The following MMD2 variants were observed in gnomAD, a reference collection of about 807,000 sequenced individuals.
The protein encoded by MMD2 is monocyte to macrophage differentiation associated 2.
MMD2 carries 30 observed loss-of-function variants against 33.5 expected under a neutral mutation model. The observed-to-expected ratio is 0.90, with a 90% CI of 0.67 to 1.22. MMD2 has a LOEUF of 1.22. MMD2 is among the 50% of genes most tolerant of loss of function. The pLI, the probability that MMD2 is intolerant of heterozygous loss-of-function variation, is 0.00. For missense variants in MMD2, 364 were observed against 325.4 expected, an observed-to-expected ratio of 1.12 and a Z score of -0.91; for synonymous variants, 129 against 123.0, an observed-to-expected ratio of 1.05 and a Z score of -0.32.
In MMD2 at chr7:4,932,671, G is replaced by A. The variant is rs555333914; in HGVS notation, c.48-7139C>T. 1.5e-4 allele frequency among the ~76,000 whole-genome samples: 22 copies of A among 149,996 alleles called. 1 individual carries two copies. Among genetic ancestry groups the A allele is most frequent in the African/African-American group, 5.2e-4 (21 of 40,650 alleles). Reference sequence around the variant, plus strand: ...GGAGTTTTGCTCTGTCGCCCAGACTGAAGTGCAGTGGCATGATCTCAGCTC... The same window carrying A: ...GGAGTTTTGCTCTGTCGCCCAGACTAAAGTGCAGTGGCATGATCTCAGCTC... On this transcript the variant is annotated intron_variant, in intron 1 of 6. Transcript: ENST00000401401.
intron 1 of MMD2, among the ~76,000 whole-genome samples, chr7:4,938,002 C>CTTTTTTTT (rs1165504272): frequency 3.5e-3 from 160 of 45,656 alleles, no homozygotes; most frequent in Non-Finnish European, 4.0e-3. Context: ...TTCTTTCTTT[C>CTTTTTTTT]TTTTTTTTTT....
At chr7:4,911,506 G>A (rs1304457311) in intron 4 of MMD2, among the ~76,000 whole-genome samples, 1 of 152,168 alleles carries the variant, frequency 6.6e-6, no homozygotes, top group Non-Finnish European at 1.5e-5. Context: ...ACCTCATACT[G>A]GTGGGATTAT....
At chr7:4,949,101 T>TC (rs1166827225) in intron 1 of MMD2, among the ~76,000 whole-genome samples, 1 of 152,090 alleles carries the variant, frequency 6.6e-6, no homozygotes, top group Non-Finnish European at 1.5e-5. Flanking sequence ...CCCCAGCTAC[T>TC]CGGGACGCTG....
At chr7:4,935,242 A>G (rs189028735) in intron 1 of MMD2, among the ~76,000 whole-genome samples, 4 of 152,078 alleles carry the variant, frequency 2.6e-5, no homozygotes, top group East Asian at 1.9e-4. Flanking sequence ...AGTCCCAGCT[A>G]CTTCAGAGGG....
chr7:4,940,794 A>C lies in MMD2; in HGVS notation c.48-15262T>G, dbSNP rs528464079. ...TTGCATCTCGTGCCAGAGGCGCGGG[A>C]CTCTGGCATGATCTGCAGGAGACAG... On this transcript the variant is annotated intron_variant, in intron 1 of 6. Transcript: ENST00000401401. The surrounding 1 kb of genome is among the most constrained non-coding windows in gnomAD (Gnocchi z 5.0). Among the ~76,000 whole-genome samples, 2 of 151,574 alleles carry C rather than the reference A, an allele frequency of 1.3e-5. No individual in the cohort carries two copies. The highest frequency in any genetic ancestry group is 2.9e-5 in the Non-Finnish European group (2 of 67,870).
chr7:4,909,118 A>G (rs1431444683), intron 6 of MMD2, among the ~76,000 whole-genome samples: 1 of 151,972 alleles, frequency 6.6e-6, no homozygotes, highest in Non-Finnish European at 1.5e-5. Flanking sequence ...ATATTTAGAG[A>G]AAAAAAACAT....
chr7:4,931,092 C>T (rs896752894), intron 1 of MMD2, among the ~76,000 whole-genome samples: 5 of 152,186 alleles, frequency 3.3e-5, no homozygotes, highest in African/African-American at 9.6e-5. Context: ...CTCAGGTGAT[C>T]CACTTGTCTC....
intron 1 of MMD2, among the ~76,000 whole-genome samples, chr7:4,954,694 C>T (rs1425778946): frequency 6.6e-6 from 1 of 152,190 alleles, no homozygotes; most frequent in Non-Finnish European, 1.5e-5. Flanking sequence ...GTTGGGATTA[C>T]AGGCATAAGC....
In MMD2 at chr7:4,959,028, C is replaced by A. The variant is rs1583409393; in HGVS notation, c.-11G>T. The stretch of plus-strand genomic sequence containing the variant: ...CCGGGGGGCGAACATCGCGGCGCTT[C>A]CATGGGAATCTGGCCCCGGGCTCAG... On this transcript the variant is annotated 5_prime_UTR_variant, in exon 1 of 7. It introduces an in-frame stop codon into an upstream open reading frame of the 5' UTR. Transcript: ENST00000401401. The A allele has an allele frequency of 7.9e-7, 1 of 1,263,982 alleles. No individual in the cohort carries two copies. The highest frequency in any genetic ancestry group is 1.0e-6 in the Non-Finnish European group (1 of 996,572). 78.3% of individuals were successfully genotyped at this position (1,263,982 alleles called of 1,614,324 possible). A position where few individuals can be genotyped will look rare whatever the true frequency, so the allele number is the denominator to read the frequency against.
chr7:4,908,664 TAAG>T (rs1176953539), intron 6 of MMD2, among the ~76,000 whole-genome samples: 1 of 151,112 alleles, frequency 6.6e-6, no homozygotes, highest in Non-Finnish European at 1.5e-5. Context: ...CTTTGGAGGC[TAAG>T]GAGGGCGGAT....
At chr7:4,894,303 G>C in the MMD2 span, among the ~76,000 whole-genome samples, 1 of 152,194 alleles carries the variant, frequency 6.6e-6, no homozygotes, top group African/African-American at 2.4e-5. The surrounding 1 kb of genome is among the most constrained non-coding windows in gnomAD (Gnocchi z 4.3). Flanking sequence ...ACACGCAGAA[G>C]TCACATGTGA....
At chr7:4,894,480 G>C in the MMD2 span, among the ~76,000 whole-genome samples, 1 of 152,052 alleles carries the variant, frequency 6.6e-6, no homozygotes, top group African/African-American at 2.4e-5. This position sits in a 1 kb window ranked among gnomAD's most constrained non-coding sequence, Gnocchi z 4.3. Flanking sequence ...CAAACCAAGC[G>C]ATCACAGCTC....
chr7:4,908,758 G>T (rs1219547073), intron 6 of MMD2, among the ~76,000 whole-genome samples: 1 of 151,882 alleles, frequency 6.6e-6, no homozygotes, highest in African/African-American at 2.4e-5. Flanking sequence ...TTAGCCGAGA[G>T]TGGTGGCACG....
chr7:4,925,499 C>G lies in MMD2; in HGVS notation c.81G>C (p.Arg27Ser), dbSNP rs770206736. 6.3e-7 allele frequency: 1 copy of G among 1,580,192 alleles called. No homozygotes were observed. The highest frequency in any genetic ancestry group is 2.4e-5 in the East Asian group (1 of 42,112). The part of the protein sequence containing the change: ...FMNHRVPAHK[R>S]YQPTEYEHAA... ...CATGTTCATACTCTGTGGGCTGGTACCTCTTGTGGGCAGGGACTCGGTGGT... is the reference window on the plus strand; with the variant it reads ...CATGTTCATACTCTGTGGGCTGGTAGCTCTTGTGGGCAGGGACTCGGTGGT... Residue 27 changes from arginine to serine, a missense_variant, in exon 2 of 7, where the codon AGG (arginine) becomes AGC (serine). By Grantham distance (110) the Arg-to-Ser change is moderately radical. Coordinates refer to ENST00000401401, the MANE Select transcript of MMD2 (RefSeq NM_198403.4).
At chr7:4,918,483 CTTTTT>C (rs60393757) in intron 3 of MMD2, among the ~76,000 whole-genome samples, 11 of 131,024 alleles carry the variant, frequency 8.4e-5, no homozygotes, top group African/African-American at 8.8e-5. Flanking sequence ...TTCTTTCTTT[CTTTTT>C]TTTTTTTTTT....
intron 1 of MMD2, among the ~76,000 whole-genome samples, chr7:4,950,422 G>A (rs1056630330): frequency 6.6e-6 from 1 of 152,000 alleles, no homozygotes; most frequent in African/African-American, 2.4e-5. Flanking sequence ...TTATACCACC[G>A]TCACCACCAT....
rs1785133228 is a variant in MMD2 at position 4,916,035 on chromosome 7, T to C, written c.335A>G (p.Tyr112Cys). Reference sequence around the variant, plus strand: ...TGCGTAGGAAGCCGCTATGAAGAAATAGATGACCATCCGGTCGAACATGTG... The same window carrying C: ...TGCGTAGGAAGCCGCTATGAAGAAACAGATGACCATCCGGTCGAACATGTG... The part of the protein sequence containing the change: ...CLHMFDRMVI[Y>C]FFIAASYAPW... Residue 112 changes from tyrosine (Y) to cysteine (C), a missense_variant, in exon 4 of 7, where the codon TAT becomes TGT. Transcript: ENST00000401401. The C allele has an allele frequency of 2.5e-6, 4 of 1,613,636 alleles. No homozygotes were observed. Among genetic ancestry groups the C allele is most frequent in the Non-Finnish European group, 3.4e-6 (4 of 1,179,856 alleles).
intron 1 of MMD2, among the ~76,000 whole-genome samples, chr7:4,932,280 A>T (rs1361577883): frequency 6.6e-6 from 1 of 152,190 alleles, no homozygotes; most frequent in Non-Finnish European, 1.5e-5. Context: ...GCAAACGACC[A>T]AGAAACAGTG....
chr7:4,924,711 T>C (rs1240895368), intron 2 of MMD2, among the ~76,000 whole-genome samples: 1 of 152,154 alleles, frequency 6.6e-6, no homozygotes, highest in Non-Finnish European at 1.5e-5. Flanking sequence ...AAGGGTTTCA[T>C]AGGCAGGGCT....
Sources: allele counts gnomAD v4.1 joint callset (sites outside exome capture counted in the v4.1 genomes callset), GRCh38; gene constraint gnomAD v4.1.1; non-coding constraint Gnocchi (gnomAD v3.1); transcripts MANE v1.5; gene names NCBI Gene and HGNC (gene_info 2026-07-23, HGNC 2026-07-21).